The following GRID2 variants were observed in gnomAD, a reference collection of about 807,000 sequenced individuals.
GRID2 encodes glutamate ionotropic receptor delta type subunit 2, also known as glutamate receptor ionotropic, delta-2.
In GRID2, 33 loss-of-function variants were observed where a neutral mutation model predicts 114.8. The ratio of observed to expected loss-of-function variants is 0.29; its 90% confidence interval spans 0.22 to 0.38. GRID2 has a LOEUF of 0.38. Ranked by LOEUF, GRID2 falls within the 10% of genes least tolerant of loss-of-function variation. GRID2 has a pLI of 1.00. For synonymous variants in GRID2, 505 were observed against 449.9 expected (o/e 1.12, Z -1.55); for missense variants, 1,184 against 1,257.7 (o/e 0.94, Z 0.89).
At chr4:92,429,367 C>T (rs1024759782) in intron 1 of GRID2, among the ~76,000 whole-genome samples, 1 of 152,150 alleles carries the variant, frequency 6.6e-6, no homozygotes, top group East Asian at 1.9e-4. Flanking sequence ...CTGCGCCTGG[C>T]TTATTTCACT....
At chr4:92,698,094 T>C (rs1734505143) in intron 2 of GRID2, among the ~76,000 whole-genome samples, 2 of 152,156 alleles carry the variant, frequency 1.3e-5, no homozygotes. Context: ...GGAGCTATTG[T>C]GCACGACAGA....
intron 8 of GRID2, among the ~76,000 whole-genome samples, chr4:93,244,983 A>G (rs1748038945): frequency 6.6e-6 from 1 of 152,026 alleles, no homozygotes; most frequent in South Asian, 2.1e-4. Flanking sequence ...ATTTACTGTC[A>G]TAGTTCTAAC....
chr4:93,085,322 G>GCTTCT, intron 3 of GRID2, 43 bp downstream of exon 3: 3 of 1,409,178 alleles, frequency 2.1e-6, no homozygotes, highest in African/African-American at 1.4e-5. Context: ...GCTGATATTT[G>GCTTCT]CATGAGAAGC....
At chr4:93,439,845 A>C (rs1331624536) in intron 10 of GRID2, among the ~76,000 whole-genome samples, 1 of 152,006 alleles carries the variant, frequency 6.6e-6, no homozygotes, top group Non-Finnish European at 1.5e-5. Context: ...GCAGTTGGGA[A>C]GGATCAGGCA....
At chr4:93,129,022 C>T (rs1244223534) in intron 4 of GRID2, among the ~76,000 whole-genome samples, 2 of 152,146 alleles carry the variant, frequency 1.3e-5, no homozygotes, top group African/African-American at 4.8e-5. Context: ...AAGCCACAAA[C>T]AAACCTATCA....
intron 2 of GRID2, among the ~76,000 whole-genome samples, chr4:92,944,067 G>A (rs1560729228): frequency 6.6e-6 from 1 of 152,198 alleles, no homozygotes; most frequent in Non-Finnish European, 1.5e-5. Flanking sequence ...TCCATTCTCA[G>A]ATCTCCAACT....
chr4:92,682,360 T>C (rs1733689137), intron 2 of GRID2, among the ~76,000 whole-genome samples: 1 of 152,200 alleles, frequency 6.6e-6, no homozygotes, highest in Admixed American at 6.5e-5. Context: ...AATGGCTCTC[T>C]GTATGGTCCG....
At chr4:92,307,125 A>G (rs1279329642) in intron 1 of GRID2, among the ~76,000 whole-genome samples, 1 of 152,204 alleles carries the variant, frequency 6.6e-6, no homozygotes, top group Non-Finnish European at 1.5e-5. Context: ...CCGAATGTCC[A>G]TATTAAAATT....
At chr4:92,715,656 C>A (rs929451368) in intron 2 of GRID2, among the ~76,000 whole-genome samples, 1 of 152,064 alleles carries the variant, frequency 6.6e-6, no homozygotes, top group African/African-American at 2.4e-5. Context: ...GTGAAGAGAG[C>A]GAGTGCAGGG....
At chr4:93,543,687 C>T (rs887700912) in intron 13 of GRID2, among the ~76,000 whole-genome samples, 1 of 136,008 alleles carries the variant, frequency 7.4e-6, no homozygotes, top group African/African-American at 2.9e-5. Flanking sequence ...AAAACAAGAG[C>T]AAGAGTGAGA....
chr4:92,937,755 G>T (rs1310539361), intron 2 of GRID2, among the ~76,000 whole-genome samples: 4 of 146,160 alleles, frequency 2.7e-5, no homozygotes, highest in African/African-American at 9.7e-5. Flanking sequence ...AAAATCATTG[G>T]GATTTCTATA....
At chr4:93,471,252 G>C (rs1330327207) in intron 11 of GRID2, among the ~76,000 whole-genome samples, 1 of 152,130 alleles carries the variant, frequency 6.6e-6, no homozygotes. Context: ...AATTTCCTCT[G>C]AAAGTAACTG....
chr4:93,440,709 G>A (rs1368106650), intron 10 of GRID2, among the ~76,000 whole-genome samples: 2 of 152,082 alleles, frequency 1.3e-5, no homozygotes, highest in Non-Finnish European at 2.9e-5. Flanking sequence ...AAAGGATAAC[G>A]AGAGATCTGT....
chr4:92,523,277 G>A (rs1193095539), intron 1 of GRID2, among the ~76,000 whole-genome samples: 1 of 151,954 alleles, frequency 6.6e-6, no homozygotes, highest in Admixed American at 6.6e-5. Flanking sequence ...ATATTTAGGT[G>A]GAAGATATTT....
At chr4:92,964,247 G>T (rs910280400) in intron 2 of GRID2, among the ~76,000 whole-genome samples, 6 of 151,976 alleles carry the variant, frequency 3.9e-5, no homozygotes, top group Admixed American at 2.6e-4. Context: ...TTAAAGCTAG[G>T]CCTTGTTTTG....
chr4:93,519,670 A>G (rs2149496434), intron 13 of GRID2, among the ~76,000 whole-genome samples: 2 of 152,298 alleles, frequency 1.3e-5, no homozygotes, highest in Middle Eastern at 3.4e-3. Context: ...GAAGACCACT[A>G]GAGAAGTAAA....
chr4:93,228,211 A>G (rs2149496789), intron 7 of GRID2, among the ~76,000 whole-genome samples: 1 of 152,278 alleles, frequency 6.6e-6, no homozygotes, highest in East Asian at 1.9e-4. Context: ...TTTGGCACAC[A>G]GTTCTGGAAC....
Position 92,704,033 on chromosome 4 carries a change from T to G in GRID2, c.244+113747T>G, listed in dbSNP as rs372015685. ...GCTCACGCCTGTGAATCCCAGCACT[T>G]TTGGAGGCCAAGGCGGATAGATCAC... On this transcript the variant is annotated intron_variant, in intron 2 of 15. Transcript: ENST00000282020. 1.8e-4 allele frequency among the ~76,000 whole-genome samples: 27 copies of G among 152,248 alleles called. No individual in the cohort carries two copies. In the East Asian group the frequency reaches 5.0e-3, roughly 28 times the overall value.
intron 2 of GRID2, among the ~76,000 whole-genome samples, chr4:92,787,953 G>A (rs901070198): frequency 6.6e-6 from 1 of 151,708 alleles, no homozygotes; most frequent in African/African-American, 2.4e-5. Context: ...CTTTTAGGCT[G>A]TATAAATGGA....
Sources: gnomAD v4.1 joint callset for allele counts (sites outside exome capture counted in the v4.1 genomes callset) on GRCh38, gnomAD v4.1.1 for gene constraint, MANE v1.5 for transcripts, NCBI Gene and HGNC (gene_info 2026-07-23, HGNC 2026-07-21) for gene names.